Variants in ATP8A2 observed in about 807,000 individuals in gnomAD.
ATP8A2 encodes the protein phospholipid-transporting ATPase IB.
Under a neutral mutation model 165.6 loss-of-function variants are expected in ATP8A2, and 100 were observed. The ratio of observed to expected loss-of-function variants is 0.60; its 90% confidence interval spans 0.51 to 0.71. The LOEUF (loss-of-function observed/expected upper bound fraction) is 0.71. Ranked by LOEUF, ATP8A2 falls within the 30% of genes least tolerant of loss-of-function variation. The probability of loss-of-function intolerance (pLI) is 0.00; values close to 1 mark genes in which losing one functional copy is unlikely to be tolerated. For missense variants in ATP8A2, 1,227 were observed against 1,479.5 expected, an observed-to-expected ratio of 0.83 and a Z score of 2.80; for synonymous variants, 543 against 548.8, an observed-to-expected ratio of 0.99 and a Z score of 0.15.
chr13:25,511,512 T>C (rs1285349700), intron 2 of ATP8A2, among the ~76,000 whole-genome samples: 1 of 152,168 alleles, frequency 6.6e-6, no homozygotes, highest in Non-Finnish European at 1.5e-5. Context: ...ATTACTGTTT[T>C]GTATTGTTGA....
chr13:25,579,752 T>TC, intron 21 of ATP8A2, 56 bp from the exon 22 acceptor site: 1 of 1,593,570 alleles, frequency 6.3e-7, no homozygotes, highest in South Asian at 1.1e-5. Context: ...GCACAGGCTG[T>TC]CCCCTAGGAG....
intron 33 of ATP8A2, among the ~76,000 whole-genome samples, chr13:25,931,699 C>T (rs1322073051): frequency 4.6e-5 from 7 of 152,084 alleles, no homozygotes; most frequent in South Asian, 4.1e-4. Context: ...TCTTGAAGCC[C>T]GTGGCCAACG....
intron 35 of ATP8A2, among the ~76,000 whole-genome samples, chr13:25,991,023 G>A (rs2046059631): frequency 1.3e-5 from 2 of 152,204 alleles, no homozygotes; most frequent in Admixed American, 1.3e-4. Flanking sequence ...CATATGTGCT[G>A]GGGCTGTCAT....
chr13:25,648,327 C>T (rs74378733), intron 24 of ATP8A2, among the ~76,000 whole-genome samples: 5,244 of 152,186 alleles, frequency 0.034, 155 homozygotes, highest in East Asian at 0.13. Flanking sequence ...ACCCTCCTCT[C>T]CCCCATGTAT....
At chr13:25,915,931 C>G (rs1954256944) in intron 33 of ATP8A2, among the ~76,000 whole-genome samples, 1 of 152,160 alleles carries the variant, frequency 6.6e-6, no homozygotes, top group African/African-American at 2.4e-5. Flanking sequence ...AATGTTGAAA[C>G]AAAAACATGA....
intron 25 of ATP8A2, among the ~76,000 whole-genome samples, chr13:25,766,431 A>C (rs2044491570): frequency 6.6e-6 from 1 of 152,198 alleles, no homozygotes; most frequent in Non-Finnish European, 1.5e-5. Flanking sequence ...TTAAATAATC[A>C]TTACTGTTGA....
Position 26,023,443 on chromosome 13 carries a change from G to A in ATP8A2, c.*3458G>A, listed in dbSNP as rs189659582. The A allele has an allele frequency of 4.6e-5, 7 of 152,274 alleles. No individual in the cohort carries two copies. The allele number at this position is 152,274 out of a possible 1,614,324, so 9.4% of individuals were successfully genotyped here. The stretch of plus-strand genomic sequence containing the variant: ...TTCGTCTCACTATAGGGAGCTGGCT[G>A]TGAAAATCAGTAATAACTTGTCAAG... On this transcript the variant is annotated 3_prime_UTR_variant, in exon 37 of 37. Coordinates refer to ENST00000381655, the MANE Select transcript of ATP8A2 (RefSeq NM_016529.6).
intron 27 of ATP8A2, among the ~76,000 whole-genome samples, chr13:25,812,131 AT>A (rs1005074096): frequency 1.3e-5 from 2 of 149,930 alleles, no homozygotes; most frequent in Non-Finnish European, 3.0e-5. Flanking sequence ...AAAAAGTATG[AT>A]TTTTTTTTCT....
chr13:25,920,907 A>C (rs190514270), intron 33 of ATP8A2, among the ~76,000 whole-genome samples: 2 of 152,180 alleles, frequency 1.3e-5, no homozygotes, highest in East Asian at 3.9e-4. Flanking sequence ...GTCTCTACTA[A>C]AAATACAAAA....
intron 2 of ATP8A2, among the ~76,000 whole-genome samples, chr13:25,519,379 T>G (rs943185357): frequency 1.3e-5 from 2 of 152,170 alleles, no homozygotes; most frequent in African/African-American, 4.8e-5. Context: ...GTTCTATTTT[T>G]TTTTTAATCT....
chr13:25,511,261 T>TG (rs1412914283), intron 2 of ATP8A2, among the ~76,000 whole-genome samples: 1 of 152,196 alleles, frequency 6.6e-6, no homozygotes, highest in Non-Finnish European at 1.5e-5. Flanking sequence ...ATCTTTTCCA[T>TG]CAGATCAATA....
In ATP8A2 at chr13:25,660,117, C is replaced by T. The variant is rs118086214; in HGVS notation, c.2212-39056C>T. 3.3e-3 allele frequency among the ~76,000 whole-genome samples: 497 copies of T among 152,316 alleles called. 5 individuals are homozygous for T. The highest frequency in any genetic ancestry group is 0.012 in the East Asian group (64 of 5,188). ...TCTAAATATCAGAATTTGTGAAAGACTTCCACAAAGTCTATTTCTTTTTTC... is the reference window on the plus strand; with the variant it reads ...TCTAAATATCAGAATTTGTGAAAGATTTCCACAAAGTCTATTTCTTTTTTC... On this transcript the variant is annotated intron_variant, in intron 24 of 36. Transcript: ENST00000381655.
intron 30 of ATP8A2, among the ~76,000 whole-genome samples, chr13:25,858,138 T>C (rs1205510103): frequency 1.3e-5 from 2 of 152,242 alleles, no homozygotes; most frequent in African/African-American, 2.4e-5. Flanking sequence ...TATTTCTTCA[T>C]TGAGGCAGGC....
At chr13:25,872,292 A>T (rs1251283824) in intron 33 of ATP8A2, among the ~76,000 whole-genome samples, 1 of 152,046 alleles carries the variant, frequency 6.6e-6, no homozygotes, top group Non-Finnish European at 1.5e-5. Flanking sequence ...CTCTTATAGG[A>T]GGACGGTGTC....
Position 26,010,184 on chromosome 13 carries a change from G to C in ATP8A2, c.3378-2347G>C, listed in dbSNP as rs1956815747. On this transcript the variant is annotated intron_variant, in intron 35 of 36. Coordinates refer to ENST00000381655, the MANE Select transcript of ATP8A2 (RefSeq NM_016529.6). ...GAGCCCTGCCAGCAAAGCCCCATCT[G>C]ACCTTTGTCAAGTTATTTGACACAG... is the stretch of plus-strand genomic sequence containing the variant. Among the ~76,000 whole-genome samples the C allele has an allele frequency of 2.0e-5, 3 of 152,240 alleles. No individual in the cohort carries two copies. The South Asian group carries it at 6.2e-4, about 31-fold the overall frequency.
chr13:26,004,718 G>A lies in ATP8A2; in HGVS notation c.3378-7813G>A, dbSNP rs564904378. Among the ~76,000 whole-genome samples the A allele has an allele frequency of 2.0e-5, 3 of 152,042 alleles. No individual in the cohort carries two copies. The South Asian group carries it at 6.2e-4, about 32-fold the overall frequency. On this transcript the variant is annotated intron_variant, in intron 35 of 36. Coordinates refer to ENST00000381655, the MANE Select transcript of ATP8A2 (RefSeq NM_016529.6). ...CTGTTGAGTTTTATCATGAAGAGGT[G>A]TTGATTGGCTTTTCTGCATCTATTG...
chr13:25,690,620 A>G (rs1228375331), intron 24 of ATP8A2, among the ~76,000 whole-genome samples: 1 of 152,206 alleles, frequency 6.6e-6, no homozygotes, highest in Non-Finnish European at 1.5e-5. Context: ...TAAAATTACT[A>G]AATCTAATAC....
At chr13:25,836,075 G>A (rs1029034856) in intron 28 of ATP8A2, among the ~76,000 whole-genome samples, 1 of 152,178 alleles carries the variant, frequency 6.6e-6, no homozygotes, top group Non-Finnish European at 1.5e-5. Flanking sequence ...TCTTTACAGA[G>A]TTCAAACAGG....
chr13:25,877,571 G>A (rs1210306918), intron 33 of ATP8A2, among the ~76,000 whole-genome samples: 1 of 152,050 alleles, frequency 6.6e-6, no homozygotes, highest in Non-Finnish European at 1.5e-5. Flanking sequence ...CCTTGGCACC[G>A]ACCTGGTCCT....
Sources: allele counts gnomAD v4.1 joint callset (sites outside exome capture counted in the v4.1 genomes callset), GRCh38; gene constraint gnomAD v4.1.1; transcripts MANE v1.5; gene names NCBI Gene and HGNC (gene_info 2026-07-23, HGNC 2026-07-21).